The following PRRC2A variants were observed in gnomAD, a reference collection of about 807,000 sequenced individuals.
The protein encoded by PRRC2A is proline rich coiled-coil 2A.
PRRC2A carries 59 observed loss-of-function variants against 224.6 expected under a neutral mutation model. That is an observed-to-expected ratio of 0.26 (90% CI 0.21 to 0.33). The LOEUF is 0.33. Among genes scored for constraint, PRRC2A ranks in the 10% least tolerant of loss-of-function variants. PRRC2A has a pLI of 1.00. For missense variants in PRRC2A, 3,095 were observed against 2,880.7 expected, an observed-to-expected ratio of 1.07 and a Z score of -1.70; for synonymous variants, 1,194 against 1,109.5, an observed-to-expected ratio of 1.08 and a Z score of -1.51.
At chr6:31,624,170 A>G in intron 3 of PRRC2A, 91 bp from the exon 4 acceptor site, 1 of 1,285,230 alleles carries the variant, frequency 7.8e-7, no homozygotes, top group Non-Finnish European at 1.1e-6. Flanking sequence ...AATGGTAGCA[A>G]TGGGCATGAT....
chr6:31,634,083 C>G, intron 18 of PRRC2A, 94 bp downstream of exon 18: 1 of 1,577,454 alleles, frequency 6.3e-7, no homozygotes, highest in Non-Finnish European at 8.6e-7. Flanking sequence ...CTGTTTCTTT[C>G]ACTGTGTTTT....
intron 16 of PRRC2A, 85 bp from the exon 17 acceptor site, chr6:31,633,294 G>A: frequency 6.5e-7 from 1 of 1,539,724 alleles, no homozygotes; most frequent in African/African-American, 1.4e-5. Context: ...AAGAGAATAG[G>A]TTGTAAGCAG....
rs1445852099 is a variant in PRRC2A at position 31,632,303 on chromosome 6, A to G, written c.3630A>G (p.Lys1210=). 3 of 1,613,158 alleles carry G rather than the reference A, an allele frequency of 1.9e-6. No individual in the cohort carries two copies. The highest frequency in any genetic ancestry group is 2.5e-6 in the Non-Finnish European group (3 of 1,180,000). The change falls in exon 16 of 31, where the codon AAA becomes AAG. Residue 1210 remains lysine (K), a synonymous_variant. Transcript: ENST00000376033. The part of the protein sequence containing the change: ...GPLPPSKEPL[K]EKLIPGPLSP... ...TGCCACCAAGTAAGGAGCCTTTGAA[A>G]GAGAAGTTGATCCCAGGGCCTCTGT...
At position 31,631,654 on chromosome 6, in the gene PRRC2A, C is replaced by T; in HGVS notation, c.2981C>T (p.Pro994Leu). ...ATAACCAAGGGGAAGCTAGGGGGCC[C>T]CAAGGAGACCCCACCCAATGGAAAT... ...LKITKGKLGGPKETPPNGNLS... is the reference protein window; with the variant it reads ...LKITKGKLGGLKETPPNGNLS... The change falls in exon 16 of 31, where the codon CCC (proline) becomes CTC (leucine). Residue 994 changes from proline (P) to leucine (L), a missense_variant. Physicochemically the swap from Pro to Leu is moderately conservative, Grantham distance 98. Around this residue, in one of 8 missense-constraint regions of PRRC2A, gnomAD observed 2,001 missense variants for 1,764.9 expected, o/e 1.13. Transcript: ENST00000376033. The surrounding 1 kb of genome is among the most constrained non-coding windows in gnomAD (Gnocchi z 4.5). 5 of 1,516,404 alleles carry T rather than the reference C, an allele frequency of 3.3e-6. No homozygotes were observed. The highest frequency in any genetic ancestry group is 4.4e-6 in the Non-Finnish European group (5 of 1,134,628). The allele number at this position is 1,516,404 out of a possible 1,614,324, so 93.9% of individuals were successfully genotyped here. A position where few individuals can be genotyped will look rare whatever the true frequency, so the allele number is the denominator to read the frequency against.
chr6:31,621,088 A>G (rs114469043), intron 1 of PRRC2A, among the ~76,000 whole-genome samples: 5,900 of 151,968 alleles, frequency 0.039, 212 homozygotes, highest in African/African-American at 0.083. Flanking sequence ...TCTGCCCCTA[A>G]CCACCCACCG....
rs142106114 is a variant in PRRC2A at position 31,632,127 on chromosome 6, C to T, written c.3454C>T (p.Arg1152Cys). Reference protein sequence around the residue: ...PGAPPSPAPARFTARGGRVFT... With the variant: ...PGAPPSPAPACFTARGGRVFT... ...AGCCCCACCTTCACCAGCCCCAGCC[C>T]GCTTCACTGCCCGGGGTGGGCGAGT... The change falls in exon 16 of 31, where the codon CGC becomes TGC. Residue 1152 changes from arginine (R) to cysteine (C), a missense_variant. Around this residue, in one of 8 missense-constraint regions of PRRC2A, gnomAD observed 2,001 missense variants for 1,764.9 expected, o/e 1.13. Transcript: ENST00000376033. The T allele has an allele frequency of 3.7e-5, 57 of 1,557,396 alleles. No homozygotes were observed. The highest frequency in any genetic ancestry group is 4.4e-5 in the Non-Finnish European group (51 of 1,151,812).
rs1776939321 is a variant in PRRC2A at position 31,633,573 on chromosome 6, A to C, written c.4514A>C (p.Gln1505Pro). 6.2e-7 allele frequency: 1 copy of C among 1,612,872 alleles called. No individual in the cohort carries two copies. Among genetic ancestry groups the C allele is most frequent in the African/African-American group, 1.3e-5 (1 of 74,932 alleles). ...GHPRHKPGLPQAPQGPSPRPP... is the reference protein window; with the variant it reads ...GHPRHKPGLPPAPQGPSPRPP... ...CCAAGGCACAAGCCTGGGCTTCCCC[A>C]AGCCCCTCAGGGCCCCTCTCCTAGG... Residue 1505 changes from glutamine to proline, a missense_variant, in exon 17 of 31, where the codon CAA (glutamine) becomes CCA (proline). Physicochemically the swap from Gln to Pro is moderately conservative, Grantham distance 76 (BLOSUM62 -1). Coordinates refer to ENST00000376033, the MANE Select transcript of PRRC2A (RefSeq NM_004638.4).
rs1248127132 is a variant in PRRC2A, at chr6:31,623,929, AC to A, written c.290+22del. Reference sequence around the variant, plus strand: ...CAAGAGGTAGACAGAGGCTTGGGGGACCTAGAGTGATGGGTATTTTAACTTG... The same window carrying A: ...CAAGAGGTAGACAGAGGCTTGGGGGACTAGAGTGATGGGTATTTTAACTTG... On this transcript the variant is annotated intron_variant, in intron 3 of 30. Transcript: ENST00000376033. 1.9e-6 allele frequency: 3 copies of A among 1,611,502 alleles called. No individual in the cohort carries two copies. In the Admixed American group the frequency reaches 5.0e-5, roughly 27 times the overall value.
Position 31,637,025 on chromosome 6 carries a change from GA to G in PRRC2A, c.6148-16del. On this transcript the variant is annotated splice_polypyrimidine_tract_variant and intron_variant, in intron 28 of 30. Coordinates refer to ENST00000376033, the MANE Select transcript of PRRC2A (RefSeq NM_004638.4). ...CTGTATTTCAAGGTAGGCAGCTCAT[GA>G]TTTTTTTCCCCTCAGCTGCATCCAG... 1 of 1,595,790 alleles carries G rather than the reference GA, an allele frequency of 6.3e-7. No individual in the cohort carries two copies.
intron 12 of PRRC2A, chr6:31,628,765 C>T (rs997955079): frequency 3.4e-5 from 8 of 234,906 alleles, no homozygotes; most frequent in East Asian, 3.2e-4. Context: ...CGCTTTAACC[C>T]GGGAGGCAGA....
chr6:31,622,588 G>A, intron 1 of PRRC2A, 102 bp from the exon 2 acceptor site: 1 of 520,928 alleles, frequency 1.9e-6, no homozygotes, highest in Non-Finnish European at 3.3e-6. Flanking sequence ...AGAAGAGTGG[G>A]CAGTTTACAT....
intron 15 of PRRC2A, 127 bp downstream of exon 15, chr6:31,630,928 T>A (rs1026500586): frequency 2.3e-6 from 3 of 1,330,994 alleles, no homozygotes; most frequent in Non-Finnish European, 3.1e-6. Flanking sequence ...GAGTGGCTCA[T>A]GCCTGTAATC....
intron 17 of PRRC2A, 83 bp downstream of exon 17, chr6:31,633,730 C>G (rs889720241): frequency 3.3e-6 from 5 of 1,536,084 alleles, no homozygotes; most frequent in Non-Finnish European, 4.4e-6. Context: ...AGAACCTGGC[C>G]TAGGGACCCT....
In PRRC2A at chr6:31,635,159, C is replaced by G. The variant is rs1777177782; in HGVS notation, c.5188C>G (p.Pro1730Ala). 4 of 1,612,806 alleles carry G rather than the reference C, an allele frequency of 2.5e-6. No individual in the cohort carries two copies. Among genetic ancestry groups the G allele is most frequent in the East Asian group, 2.2e-5 (1 of 44,872 alleles). The change falls in exon 22 of 31, where the codon CCT becomes GCT. Residue 1730 changes from proline to alanine, a missense_variant. Physicochemically the swap from Pro to Ala is conservative, Grantham distance 27. This residue lies in a region of PRRC2A where 662 missense variants were observed against 609.5 expected (regional missense o/e 1.09). Transcript: ENST00000376033. The part of the protein sequence containing the change: ...KELPREQPLP[P>A]GPIGTERSQR... ...GCTGCCCCGGGAGCAGCCTCTGCCC[C>G]CTGGCCCCATTGGCACAGAACGATC...
intron 1 of PRRC2A, among the ~76,000 whole-genome samples, chr6:31,621,927 T>A (rs1280575737): frequency 6.6e-6 from 1 of 152,254 alleles, no homozygotes; most frequent in Non-Finnish European, 1.5e-5. Flanking sequence ...CTCTGTTTTC[T>A]GGCCCATGGT....
rs779239031 is a variant in PRRC2A, at chr6:31,631,690, C to T, written c.3017C>T (p.Ala1006Val). Residue 1006 changes from alanine (A) to valine (V), a missense_variant, in exon 16 of 31, where the codon GCC becomes GTC. Transcript: ENST00000376033. The surrounding 1 kb of genome is among the most constrained non-coding windows in gnomAD (Gnocchi z 4.5). ...ETPPNGNLSP[A>V]PRLRRDYSYE... ...CCACCCAATGGAAATCTTTCCCCTG[C>T]CCCAAGGCTTCGGAGGGACTATTCG... 20 of 1,514,538 alleles carry T rather than the reference C, an allele frequency of 1.3e-5. No individual in the cohort carries two copies. In the Admixed American group the frequency reaches 4.1e-4, roughly 31 times the overall value. 93.8% of individuals were successfully genotyped at this position (1,514,538 alleles called of 1,614,324 possible).
At position 31,634,543 on chromosome 6, in the gene PRRC2A, G is replaced by C. The variant is rs781220183; in HGVS notation, c.4921G>C (p.Val1641Leu). The change falls in exon 20 of 31, where the codon GTG becomes CTG. Residue 1641 changes from valine (V) to leucine (L), a missense_variant. Physicochemically the swap from Val to Leu is conservative, Grantham distance 32. Around this residue, in one of 8 missense-constraint regions of PRRC2A, gnomAD observed 2,001 missense variants for 1,764.9 expected, o/e 1.13. Coordinates refer to ENST00000376033, the MANE Select transcript of PRRC2A (RefSeq NM_004638.4). ...WMEPLSPFED[V>L]AGTEMSQSDS... ...GGAGCCCCTGAGTCCTTTTGAGGAT[G>C]TGGCTGGCACAGAAGTGAGTGAGGG... is the stretch of plus-strand genomic sequence containing the variant. 3 of 1,612,210 alleles carry C rather than the reference G, an allele frequency of 1.9e-6. No individual in the cohort carries two copies. In the Admixed American group the frequency reaches 5.0e-5, roughly 27 times the overall value.
chr6:31,625,341 A>T lies in PRRC2A; in HGVS notation c.607+27A>T. ...TGAGTGGCTGCCTTTTGGCCAAGACATTACCTATTGCATCTCAGAGCTAGG... is the reference window on the plus strand; with the variant it reads ...TGAGTGGCTGCCTTTTGGCCAAGACTTTACCTATTGCATCTCAGAGCTAGG... On this transcript the variant is annotated intron_variant, in intron 6 of 30. Transcript: ENST00000376033. The surrounding 1 kb of genome is among the most constrained non-coding windows in gnomAD (Gnocchi z 4.1). 4.3e-6 allele frequency: 7 copies of T among 1,614,104 alleles called. No homozygotes were observed. Among genetic ancestry groups the T allele is most frequent in the Non-Finnish European group, 5.9e-6 (7 of 1,180,030 alleles).
In PRRC2A at chr6:31,635,664, G is replaced by A. The variant is rs1359940707; in HGVS notation, c.5456G>A (p.Gly1819Glu). ...AEPQSKNLDS[G>E]HCVPEPSSSG... ...CCACAATCCAAGAACCTGGATTCTG[G>A]GCACTGTGTCCCGGAGCCCAGCTCC... Residue 1819 changes from glycine to glutamate, a missense_variant, in exon 24 of 31, where the codon GGG becomes GAG. This residue lies in a region of PRRC2A where 662 missense variants were observed against 609.5 expected (regional missense o/e 1.09). Coordinates refer to ENST00000376033, the MANE Select transcript of PRRC2A (RefSeq NM_004638.4). 1 of 1,612,866 alleles carries A rather than the reference G, an allele frequency of 6.2e-7. No individual in the cohort carries two copies. The highest frequency in any genetic ancestry group is 1.7e-5 in the Admixed American group (1 of 60,006).
Sources: allele counts gnomAD v4.1 joint callset (sites outside exome capture counted in the v4.1 genomes callset), GRCh38; gene constraint gnomAD v4.1.1; regional missense constraint gnomAD v4.1.1; non-coding constraint Gnocchi (gnomAD v3.1); transcripts MANE v1.5; gene names NCBI Gene and HGNC (gene_info 2026-07-23, HGNC 2026-07-21).